Variants in GRTP1 observed in about 807,000 individuals in gnomAD.
The protein encoded by GRTP1 is growth hormone-regulated TBC protein 1.
GRTP1 carries 56 observed loss-of-function variants against 38.1 expected under a neutral mutation model. That is an observed-to-expected ratio of 1.47 (90% CI 1.19 to 1.84). GRTP1 has a LOEUF of 1.84. Among genes scored for constraint, GRTP1 ranks in the 40% most tolerant of loss-of-function variants. GRTP1 has a pLI of 0.00. For missense variants in GRTP1, 506 were observed against 453.9 expected (o/e 1.11, Z -1.04); for synonymous variants, 217 against 189.5 (o/e 1.14, Z -1.19).
At chr13:113,334,745 G>A (rs917362408) in intron 5 of GRTP1, among the ~76,000 whole-genome samples, 1 of 152,186 alleles carries the variant, frequency 6.6e-6, no homozygotes, top group African/African-American at 2.4e-5. Flanking sequence ...TCAGACAGCC[G>A]CAAACATGAG....
chr13:113,358,762 T>C (rs1183666774), intron 2 of GRTP1, among the ~76,000 whole-genome samples: 1 of 152,094 alleles, frequency 6.6e-6, no homozygotes, highest in Non-Finnish European at 1.5e-5. Flanking sequence ...ACACCAACAA[T>C]ATGAAGAGCT....
In GRTP1 at chr13:113,326,009, C is replaced by A. The variant is rs1388541089; in HGVS notation, c.645G>T (p.Val215=). ...GELVRAKLPA[V]GALMERLGVL... Reference sequence around the variant, plus strand: ...CACCGAGACGCTCCATCAGGGCCCCCACAGCCGGCAGCTTCGCCCGCACCA... The same window carrying A: ...CACCGAGACGCTCCATCAGGGCCCCAACAGCCGGCAGCTTCGCCCGCACCA... The change falls in exon 6 of 8, where the codon GTG becomes GTT. Residue 215 remains valine (V), a synonymous_variant. Transcript: ENST00000375431. The A allele has an allele frequency of 3.7e-6, 6 of 1,613,612 alleles. No homozygotes were observed. The highest frequency in any genetic ancestry group is 4.2e-6 in the Non-Finnish European group (5 of 1,179,950).
At chr13:113,347,898 G>A (rs867362322) in intron 4 of GRTP1, among the ~76,000 whole-genome samples, 6 of 147,660 alleles carry the variant, frequency 4.1e-5, no homozygotes, top group South Asian at 2.2e-4. Flanking sequence ...GAGCAGACCC[G>A]GGAGGACCTC....
chr13:113,334,054 C>T (rs916268630), intron 5 of GRTP1, among the ~76,000 whole-genome samples: 10 of 151,974 alleles, frequency 6.6e-5, no homozygotes, highest in African/African-American at 1.2e-4. Context: ...AAGCTGGTCC[C>T]GAACTCCTGA....
intron 4 of GRTP1, among the ~76,000 whole-genome samples, chr13:113,346,134 A>AGTGGACCCGGGAGGACCTCTGTGGCTG (rs2043113614): frequency 7.1e-5 from 3 of 42,022 alleles, no homozygotes; most frequent in Admixed American, 2.4e-4. Flanking sequence ...CTCTGTGGAC[A>AGTGGACCCGGGAGGACCTCTGTGGCTG]AGAGCAGACC....
intron 5 of GRTP1, among the ~76,000 whole-genome samples, chr13:113,327,381 T>A (rs955568780): frequency 1.5e-4 from 23 of 152,328 alleles, no homozygotes; most frequent in African/African-American, 4.6e-4. Flanking sequence ...AGTTTCACCA[T>A]ATTTGCCAGG....
In GRTP1 at chr13:113,349,792, G is replaced by A. The variant is rs535816712; in HGVS notation, c.465+1057C>T. 6.6e-6 allele frequency among the ~76,000 whole-genome samples: 1 copy of A among 152,144 alleles called. No individual in the cohort carries two copies. Among genetic ancestry groups the A allele is most frequent in the African/African-American group, 2.4e-5 (1 of 41,424 alleles). On this transcript the variant is annotated intron_variant, in intron 4 of 7. Transcript: ENST00000375431. The surrounding 1 kb of genome is among the most constrained non-coding windows in gnomAD (Gnocchi z 5.0). ...GCAGGGGCTCCACACTCCTCCAAAC[G>A]TTCACTCAAACTGCATTTTCTGGTT...
chr13:113,342,531 G>C lies in GRTP1; in HGVS notation c.562+2332C>G, dbSNP rs951256710. ...AAAAAAAAAAAGTACTGTATTTTTT[G>C]AACTTCTGAAATGAGAATATATCTG... On this transcript the variant is annotated intron_variant, in intron 5 of 7. Coordinates refer to ENST00000375431, the MANE Select transcript of GRTP1 (RefSeq NM_024719.4). This position sits in a 1 kb window ranked among gnomAD's most constrained non-coding sequence, Gnocchi z 4.5. 4.0e-5 allele frequency among the ~76,000 whole-genome samples: 6 copies of C among 151,820 alleles called. No homozygotes were observed. The highest frequency in any genetic ancestry group is 1.5e-4 in the African/African-American group (6 of 41,332).
intron 5 of GRTP1, among the ~76,000 whole-genome samples, chr13:113,333,573 C>T (rs1319556811): frequency 2.6e-5 from 4 of 152,008 alleles, no homozygotes; most frequent in Admixed American, 6.6e-5. Context: ...GGCGTGATCT[C>T]GGCTCACTGC....
chr13:113,363,158 G>A (rs1234324412), intron 2 of GRTP1, among the ~76,000 whole-genome samples: 1 of 152,224 alleles, frequency 6.6e-6, no homozygotes, highest in Non-Finnish European at 1.5e-5. Context: ...GGTGCTCACC[G>A]CAGCAGTAGG....
Position 113,363,898 on chromosome 13 carries a change from G to A in GRTP1, c.45C>T (p.Tyr15=). 6.2e-7 allele frequency: 1 copy of A among 1,611,382 alleles called. No individual in the cohort carries two copies. Among genetic ancestry groups the A allele is most frequent in the African/African-American group, 1.3e-5 (1 of 74,834 alleles). The change falls in exon 2 of 8, where the codon TAC becomes TAT. Residue 15 remains tyrosine (Y), a synonymous_variant. Coordinates refer to ENST00000375431, the MANE Select transcript of GRTP1 (RefSeq NM_024719.4). The part of the protein sequence containing the change: ...ERSRVPRIDP[Y]GFERPEDFDD... ...CGAAGTCCTCAGGCCGCTCGAATCC[G>A]TACGGGTCGATCCTGCAAAACCGAG...
rs535803677 is a variant in GRTP1, at chr13:113,332,792, C to T, written c.563-6701G>A. On this transcript the variant is annotated intron_variant, in intron 5 of 7. Coordinates refer to ENST00000375431, the MANE Select transcript of GRTP1 (RefSeq NM_024719.4). ...ATGGGGTGAGCCCAGAGTAGCCTGT[C>T]CTGCAGACTCGAGGAAGCCGTCGGC... Among the ~76,000 whole-genome samples the T allele has an allele frequency of 3.3e-5, 5 of 152,350 alleles. No homozygotes were observed. The South Asian group carries it at 1.0e-3, about 32-fold the overall frequency.
chr13:113,330,036 G>C (rs1011235293), intron 5 of GRTP1, among the ~76,000 whole-genome samples: 2 of 151,686 alleles, frequency 1.3e-5, no homozygotes, highest in Non-Finnish European at 2.9e-5. Context: ...TGGAAACCCA[G>C]GTGCCTGCAT....
At chr13:113,339,789 T>G (rs1232203517) in intron 5 of GRTP1, 1 of 152,244 alleles carries the variant, frequency 6.6e-6, no homozygotes, top group East Asian at 1.9e-4. Flanking sequence ...TTGCCCTTGA[T>G]TATTCCATAT....
At chr13:113,355,117 C>T (rs924810638) in intron 3 of GRTP1, 1 of 539,370 alleles carries the variant, frequency 1.9e-6, no homozygotes, top group Non-Finnish European at 3.3e-6. Flanking sequence ...CAGCTAGGCA[C>T]GTGAATATCT....
chr13:113,362,718 A>C (rs145197128), intron 2 of GRTP1, among the ~76,000 whole-genome samples: 96 of 151,906 alleles, frequency 6.3e-4, no homozygotes, highest in African/African-American at 2.2e-3. Flanking sequence ...GTCACCACAC[A>C]CCTCCGACCC....
Position 113,350,882 on chromosome 13 carries a change from A to G in GRTP1, c.432T>C (p.Tyr144=), listed in dbSNP as rs370119172. 3.1e-6 allele frequency: 5 copies of G among 1,593,308 alleles called. No homozygotes were observed. The highest frequency in any genetic ancestry group is 2.3e-5 in the East Asian group (1 of 44,234). ...QRTLYNVLLA[Y]GHHNQGVGYC... is the part of the protein sequence containing the mutation. Reference sequence around the variant, plus strand: ...AGCCCACTCCCTGGTTATGGTGCCCATATGCCAGCAGCACATTGTACAGGG... The same window carrying G: ...AGCCCACTCCCTGGTTATGGTGCCCGTATGCCAGCAGCACATTGTACAGGG... Residue 144 remains tyrosine, a synonymous_variant, in exon 4 of 8, where the codon TAT becomes TAC. Transcript: ENST00000375431.
intron 5 of GRTP1, among the ~76,000 whole-genome samples, chr13:113,338,920 T>G (rs2139433659): frequency 6.7e-6 from 1 of 150,000 alleles, no homozygotes; most frequent in African/African-American, 2.4e-5. Context: ...TTTTTTTTTT[T>G]TTTTTTTTTT....
intron 3 of GRTP1, among the ~76,000 whole-genome samples, chr13:113,354,715 C>G (rs920619543): frequency 6.6e-6 from 1 of 152,032 alleles, no homozygotes; most frequent in African/African-American, 2.4e-5. Context: ...TTAGTAGAGA[C>G]CGGGTTTCAC....
Sources: gnomAD v4.1 joint callset for allele counts (sites outside exome capture counted in the v4.1 genomes callset) on GRCh38, gnomAD v4.1.1 for gene constraint, Gnocchi (gnomAD v3.1) non-coding constraint, MANE v1.5 for transcripts, NCBI Gene and HGNC (gene_info 2026-07-23, HGNC 2026-07-21) for gene names.